The following OSBPL8 variants were observed in gnomAD, a reference collection of about 807,000 sequenced individuals.
The protein encoded by OSBPL8 is oxysterol binding protein like 8.
A neutral mutation model predicts 125.5 loss-of-function variants in OSBPL8; 59 were observed. The ratio of observed to expected loss-of-function variants is 0.47; its 90% CI spans 0.38 to 0.58. The LOEUF is 0.58. OSBPL8 is among the 20% of genes least tolerant of loss of function. The pLI is 0.00. For synonymous variants in OSBPL8, 330 were observed against 338.9 expected (o/e 0.97, Z 0.29); for missense variants, 758 against 1,047.8 (o/e 0.72, Z 3.82).
intron 5 of OSBPL8, among the ~76,000 whole-genome samples, chr12:76,408,991 C>CT (rs140050109): frequency 7.2e-5 from 11 of 151,756 alleles, no homozygotes; most frequent in Middle Eastern, 3.4e-3. Flanking sequence ...GAAAATAGAT[C>CT]TTTTTTTTAA....
chr12:76,420,126 G>A (rs1036298739), intron 4 of OSBPL8, among the ~76,000 whole-genome samples: 5 of 151,844 alleles, frequency 3.3e-5, no homozygotes, highest in African/African-American at 1.2e-4. Context: ...TTTATGTTGC[G>A]TCAGTCTTAT....
intron 1 of OSBPL8, among the ~76,000 whole-genome samples, chr12:76,501,322 T>C (rs563667719): frequency 6.6e-6 from 1 of 152,172 alleles, no homozygotes; most frequent in African/African-American, 2.4e-5. Flanking sequence ...CAGCAAACTA[T>C]AGCACACAAT....
At chr12:76,519,848 C>A (rs955305678) in intron 1 of OSBPL8, among the ~76,000 whole-genome samples, 10 of 152,064 alleles carry the variant, frequency 6.6e-5, no homozygotes, top group Admixed American at 6.6e-4. Flanking sequence ...AAGGAGATGG[C>A]GCTAAACCAT....
At chr12:76,361,737 C>T (rs1226282803) in intron 21 of OSBPL8, among the ~76,000 whole-genome samples, 1 of 152,140 alleles carries the variant, frequency 6.6e-6, no homozygotes, top group African/African-American at 2.4e-5. Context: ...AAGCGGAAAC[C>T]CCTGATAAAA....
intron 2 of OSBPL8, among the ~76,000 whole-genome samples, chr12:76,475,018 T>A (rs1406618038): frequency 6.6e-6 from 1 of 152,184 alleles, no homozygotes; most frequent in African/African-American, 2.4e-5. Context: ...GAAAGACAGG[T>A]AGAGATTTGG....
intron 2 of OSBPL8, among the ~76,000 whole-genome samples, chr12:76,460,562 T>C (rs1049029656): frequency 5.3e-5 from 8 of 152,014 alleles, no homozygotes; most frequent in African/African-American, 1.9e-4. Flanking sequence ...AAACTTTTCT[T>C]AGGGCCCACT....
chr12:76,546,218 A>G (rs182110397), intron 1 of OSBPL8, among the ~76,000 whole-genome samples: 1 of 152,328 alleles, frequency 6.6e-6, no homozygotes, highest in East Asian at 1.9e-4. Flanking sequence ...ACTGTTTACT[A>G]TTAACCTCTA....
At chr12:76,415,234 C>CT (rs1038307800) in intron 4 of OSBPL8, among the ~76,000 whole-genome samples, 41 of 146,730 alleles carry the variant, frequency 2.8e-4, no homozygotes, top group African/African-American at 5.7e-4. Flanking sequence ...TTCTGTTTTT[C>CT]TTTTTTTTTT....
chr12:76,520,212 C>T (rs1565965466), intron 1 of OSBPL8, among the ~76,000 whole-genome samples: 1 of 152,112 alleles, frequency 6.6e-6, no homozygotes, highest in Non-Finnish European at 1.5e-5. Context: ...ATATTGATAT[C>T]ACGCTAGTTC....
intron 2 of OSBPL8, among the ~76,000 whole-genome samples, chr12:76,481,498 G>A (rs114060425): frequency 0.01 from 1,583 of 152,048 alleles, 36 homozygotes; most frequent in African/African-American, 0.037. Flanking sequence ...GACAGAGTGG[G>A]GCAGGCCTGT....
intron 5 of OSBPL8, among the ~76,000 whole-genome samples, chr12:76,407,341 C>T (rs1954306775): frequency 6.6e-6 from 1 of 152,240 alleles, no homozygotes; most frequent in African/African-American, 2.4e-5. Context: ...CAGCGTCAAC[C>T]TCCTGGGCTC....
intron 4 of OSBPL8, among the ~76,000 whole-genome samples, chr12:76,429,558 GTAC>G (rs1870565305): frequency 6.6e-6 from 1 of 151,976 alleles, no homozygotes; most frequent in African/African-American, 2.4e-5. Flanking sequence ...AACTAAAAAT[GTAC>G]TAAACTAATA....
chr12:76,377,669 A>G (rs963669611), intron 16 of OSBPL8, among the ~76,000 whole-genome samples: 1 of 152,194 alleles, frequency 6.6e-6, no homozygotes, highest in African/African-American at 2.4e-5. Flanking sequence ...TTACCAAAAA[A>G]GGTATTTTTA....
chr12:76,461,121 G>A (rs1457965753), intron 2 of OSBPL8, among the ~76,000 whole-genome samples: 3 of 152,156 alleles, frequency 2.0e-5, no homozygotes, highest in Non-Finnish European at 4.4e-5. Context: ...CTCCTGGGCT[G>A]AAGCAATCCT....
At chr12:76,502,546 GA>G in intron 1 of OSBPL8, among the ~76,000 whole-genome samples, 1 of 152,194 alleles carries the variant, frequency 6.6e-6, no homozygotes, top group East Asian at 1.9e-4. Context: ...AAGTATGTCT[GA>G]AATACAGGAG....
chr12:76,557,706 T>C (rs1007144509), intron 1 of OSBPL8, among the ~76,000 whole-genome samples: 25 of 152,292 alleles, frequency 1.6e-4, no homozygotes, highest in African/African-American at 5.5e-4. Context: ...ATAAATTCAT[T>C]ATACACAATT....
chr12:76,406,987 T>G (rs1954288463), intron 5 of OSBPL8, among the ~76,000 whole-genome samples: 1 of 152,156 alleles, frequency 6.6e-6, no homozygotes, highest in Non-Finnish European at 1.5e-5. Context: ...ATCATGAATT[T>G]TAAGAAATAA....
At chr12:76,398,677 ATC>A (rs1484432122) in intron 7 of OSBPL8, among the ~76,000 whole-genome samples, 2 of 152,200 alleles carry the variant, frequency 1.3e-5, no homozygotes, top group African/African-American at 4.8e-5. Context: ...ACTGTAAAAC[ATC>A]TGTTATTTCA....
intron 4 of OSBPL8, among the ~76,000 whole-genome samples, chr12:76,420,504 T>C (rs576594827): frequency 6.6e-6 from 1 of 152,136 alleles, no homozygotes; most frequent in Non-Finnish European, 1.5e-5. Flanking sequence ...ATCCATGTTA[T>C]AGCTAATCAT....
Sources: allele counts gnomAD v4.1 joint callset (sites outside exome capture counted in the v4.1 genomes callset), GRCh38; gene constraint gnomAD v4.1.1; transcripts MANE v1.5; gene names NCBI Gene and HGNC (gene_info 2026-07-23, HGNC 2026-07-21).